The following ZKSCAN7 variants were observed in gnomAD, a reference collection of about 807,000 sequenced individuals.
The protein encoded by ZKSCAN7 is zinc finger protein with KRAB and SCAN domains 7.
In ZKSCAN7, 38 loss-of-function variants were observed where a neutral mutation model predicts 65.3. The ratio of observed to expected loss-of-function variants is 0.58; its 90% CI spans 0.45 to 0.76. The LOEUF (loss-of-function observed/expected upper bound fraction) is 0.76, where lower values mean the gene tolerates loss of function less well. ZKSCAN7 is among the 30% of genes least tolerant of loss of function. ZKSCAN7 has a pLI of 0.00. For missense variants in ZKSCAN7, 815 were observed against 913.3 expected (o/e 0.89, Z 1.39); for synonymous variants, 321 against 321.0 (o/e 1.00, Z 0.00).
At chr3:44,580,358 G>T (rs1433429459) in intron 5 of ZKSCAN7, 1 of 1,609,896 alleles carries the variant, frequency 6.2e-7, no homozygotes, top group Non-Finnish European at 8.5e-7. Flanking sequence ...GCTGGCTCTG[G>T]CTGGGACTCT....
At chr3:44,579,835 G>A (rs1031374104) in intron 5 of ZKSCAN7, 15 of 1,611,496 alleles carry the variant, frequency 9.3e-6, no homozygotes, top group African/African-American at 4.0e-5. Context: ...TCCACTGGCT[G>A]TCCTCATACT....
In ZKSCAN7 at chr3:44,556,883, T is replaced by G. The variant is rs370951411; in HGVS notation, c.-118-47T>G. On this transcript the variant is annotated intron_variant, in intron 1 of 5. Coordinates refer to ENST00000426540, the MANE Select transcript of ZKSCAN7 (RefSeq NM_001288590.2). ...ACTCAGTGGAGGATTGTCATCAGCC[T>G]GGGGCTGAATACTCCAAGAACTCTG... 2.8e-4 allele frequency: 258 copies of G among 918,932 alleles called. 2 individuals carry two copies. The East Asian group carries it at 6.0e-3, about 21-fold the overall frequency. The allele number at this position is 918,932 out of a possible 1,614,324, so 56.9% of individuals were successfully genotyped here. A position where few individuals can be genotyped will look rare whatever the true frequency, so the allele number is the denominator to read the frequency against.
intron 2 of ZKSCAN7, 182 bp downstream of exon 2, chr3:44,557,652 G>A: frequency 1.3e-6 from 1 of 766,566 alleles, no homozygotes; most frequent in Non-Finnish European, 2.0e-6. Flanking sequence ...GCACATCCCA[G>A]CTAAGCTCTG....
In ZKSCAN7 at chr3:44,571,059, T is replaced by G; in HGVS notation, c.1949T>G (p.Leu650Arg). Residue 650 changes from leucine to arginine, a missense_variant, in exon 6 of 6, where the codon CTT becomes CGT. Transcript: ENST00000426540. ...AAATCCTTCAATCAAAACTCACACC[T>G]TATTATACACCAGAGAATTCACACT... is the stretch of plus-strand genomic sequence containing the variant. ...CGKSFNQNSH[L>R]IIHQRIHTGE... 1.2e-6 allele frequency: 2 copies of G among 1,614,148 alleles called. No individual in the cohort carries two copies. The highest frequency in any genetic ancestry group is 1.7e-6 in the Non-Finnish European group (2 of 1,180,002).
chr3:44,568,474 G>C (rs1304452697), intron 5 of ZKSCAN7, 41 bp downstream of exon 5: 2 of 1,590,032 alleles, frequency 1.3e-6, no homozygotes, highest in African/African-American at 2.7e-5. Context: ...TCTGCATGCT[G>C]CACAATCTCT....
chr3:44,580,919 G>A (rs560937044), intron 5 of ZKSCAN7: 41 of 1,613,218 alleles, frequency 2.5e-5, no homozygotes, highest in Admixed American at 1.0e-4. Flanking sequence ...TCAGGTCCTC[G>A]TCGTTGAGGA....
chr3:44,569,885 A>C (rs753977782), intron 5 of ZKSCAN7, 37 bp from the exon 6 acceptor site: 1 of 1,504,608 alleles, frequency 6.6e-7, no homozygotes, highest in Non-Finnish European at 8.9e-7. Flanking sequence ...ACAGGATAAG[A>C]AATGGGTAAA....
chr3:44,575,682 A>G (rs915237771), downstream of ZKSCAN7, among the ~76,000 whole-genome samples: 3 of 152,170 alleles, frequency 2.0e-5, no homozygotes, highest in African/African-American at 7.2e-5. Flanking sequence ...GGTTCAAGCA[A>G]TTCTCTTGCC....
At position 44,571,223 on chromosome 3, in the gene ZKSCAN7, C is replaced by T; in HGVS notation, c.2113C>T (p.Gln705Ter). 6.2e-7 allele frequency: 1 copy of T among 1,614,086 alleles called. No individual in the cohort carries two copies. The highest frequency in any genetic ancestry group is 8.5e-7 in the Non-Finnish European group (1 of 1,180,020). ...DCGKAFSDSS[Q>*]LIVHQRVHTG... is the part of the protein sequence containing the mutation. ...TGGGAAAGCTTTTAGTGACAGCTCA[C>T]AGCTTATTGTACACCAGAGAGTCCA... is the stretch of plus-strand genomic sequence containing the variant. Residue 705 changes from glutamine to a stop codon, truncating the protein, a stop_gained, in exon 6 of 6, where the codon CAG becomes TAG. Transcript: ENST00000426540. LOFTEE classifies it high-confidence loss of function.
At chr3:44,559,835 T>C (rs1699413417) in intron 2 of ZKSCAN7, among the ~76,000 whole-genome samples, 1 of 152,238 alleles carries the variant, frequency 6.6e-6, no homozygotes, top group Non-Finnish European at 1.5e-5. Context: ...TACACATTTG[T>C]CATTATCAAC....
downstream of ZKSCAN7, among the ~76,000 whole-genome samples, chr3:44,576,375 T>C (rs1699924025): frequency 3.3e-5 from 5 of 152,154 alleles, no homozygotes; most frequent in Admixed American, 3.3e-4. Flanking sequence ...CCTCAGAATA[T>C]GTGGATGCGG....
At chr3:44,580,921 C>T (rs1368989946) in intron 5 of ZKSCAN7, 28 of 1,613,018 alleles carry the variant, frequency 1.7e-5, no homozygotes, top group Admixed American at 8.3e-5. Context: ...AGGTCCTCGT[C>T]GTTGAGGAGA....
chr3:44,577,880 A>C (rs1013864631), intron 5 of ZKSCAN7, among the ~76,000 whole-genome samples: 1 of 152,176 alleles, frequency 6.6e-6, no homozygotes, highest in Non-Finnish European at 1.5e-5. Flanking sequence ...TGCTGCTGCA[A>C]GCTGGGGAAG....
chr3:44,570,692 T>C lies in ZKSCAN7; in HGVS notation c.1582T>C (p.Cys528Arg), dbSNP rs751799035. The change falls in exon 6 of 6, where the codon TGT becomes CGT. Residue 528 changes from cysteine to arginine, a missense_variant. Transcript: ENST00000426540. ...TGKKPYKCNECGRAFCSNRNL... is the reference protein window; with the variant it reads ...TGKKPYKCNERGRAFCSNRNL... ...TAAGAAACCTTACAAATGCAATGAG[T>C]GTGGGAGAGCATTCTGTTCCAATAG... is the stretch of plus-strand genomic sequence containing the variant. The C allele has an allele frequency of 1.9e-6, 3 of 1,614,046 alleles. No individual in the cohort carries two copies. Among genetic ancestry groups the C allele is most frequent in the Non-Finnish European group, 2.5e-6 (3 of 1,179,996 alleles).
At chr3:44,580,569 T>G (rs1700049061) in intron 5 of ZKSCAN7, 2 of 1,613,796 alleles carry the variant, frequency 1.2e-6, no homozygotes, top group South Asian at 2.2e-5. Context: ...CTGATTCTGC[T>G]TGTTGGTCCG....
chr3:44,557,025 A>G lies in ZKSCAN7; in HGVS notation c.-23A>G, dbSNP rs757668164. The G allele has an allele frequency of 6.8e-6, 11 of 1,613,762 alleles. No homozygotes were observed. Among genetic ancestry groups the G allele is most frequent in the Middle Eastern group, 1.7e-4 (1 of 6,044 alleles). On this transcript the variant is annotated 5_prime_UTR_variant, in exon 2 of 6. Transcript: ENST00000426540. The stretch of plus-strand genomic sequence containing the variant: ...TTTAATCGGACCAACTGCAGCTGTA[A>G]CAAGCTTCTCTTTGGGGTCACAATG...
downstream of ZKSCAN7, among the ~76,000 whole-genome samples, chr3:44,574,404 C>G (rs1699883637): frequency 6.6e-6 from 1 of 152,098 alleles, no homozygotes; most frequent in Non-Finnish European, 1.5e-5. Context: ...GTGAGCTGGC[C>G]TTATTTTCAA....
At chr3:44,575,056 G>A (rs1418220903), downstream of ZKSCAN7, among the ~76,000 whole-genome samples, 1 of 152,196 alleles carries the variant, frequency 6.6e-6, no homozygotes, top group Non-Finnish European at 1.5e-5. Context: ...GTTTTGGGAG[G>A]TGAAGGCAGG....
chr3:44,580,023 T>G, intron 5 of ZKSCAN7: 1 of 1,581,366 alleles, frequency 6.3e-7, no homozygotes, highest in East Asian at 2.2e-5. Context: ...GAACGCCCTT[T>G]TCTCGCTGCG....
Sources: gnomAD v4.1 joint callset for allele counts (sites outside exome capture counted in the v4.1 genomes callset) on GRCh38, gnomAD v4.1.1 for gene constraint, MANE v1.5 for transcripts, NCBI Gene and HGNC (gene_info 2026-07-23, HGNC 2026-07-21) for gene names.